The following ARFGEF2 variants were observed in gnomAD, a reference collection of about 807,000 sequenced individuals.
The protein encoded by ARFGEF2 is ARF guanine nucleotide exchange factor 2.
Under a neutral mutation model 219.9 loss-of-function variants are expected in ARFGEF2, and 74 were observed. The observed-to-expected ratio is 0.34, with a 90% confidence interval of 0.28 to 0.41. The LOEUF (loss-of-function observed/expected upper bound fraction) is 0.41. Ranked by LOEUF, ARFGEF2 falls within the 10% of genes least tolerant of loss-of-function variation. ARFGEF2 has a pLI of 1.00. For synonymous variants in ARFGEF2, 733 were observed against 799.2 expected (o/e 0.92, Z 1.40); for missense variants, 1,743 against 2,218.3 (o/e 0.79, Z 4.30).
chr20:48,992,544 G>A (rs2091362915), intron 21 of ARFGEF2, among the ~76,000 whole-genome samples: 2 of 152,282 alleles, frequency 1.3e-5, no homozygotes, highest in East Asian at 1.9e-4. Context: ...GGCACAGGCA[G>A]GTTACTTAGT....
At chr20:49,024,928 G>A (rs920806279) in intron 35 of ARFGEF2, among the ~76,000 whole-genome samples, 4 of 152,144 alleles carry the variant, frequency 2.6e-5, no homozygotes, top group Non-Finnish European at 2.9e-5. Context: ...CCCGGGAGGC[G>A]GAGGTTGCAG....
intron 11 of ARFGEF2, 90 bp from the exon 12 acceptor site, chr20:48,973,054 TG>T: frequency 6.8e-7 from 1 of 1,479,562 alleles, no homozygotes; most frequent in Non-Finnish European, 9.4e-7. Flanking sequence ...TGTAGTTCAC[TG>T]GGGAAATTTG....
chr20:48,973,802 T>C (rs1213680453), intron 12 of ARFGEF2, among the ~76,000 whole-genome samples: 1 of 152,174 alleles, frequency 6.6e-6, no homozygotes, highest in African/African-American at 2.4e-5. Flanking sequence ...TATATGGGCA[T>C]TTTTCCTAAA....
rs189625694 is a variant in ARFGEF2 at position 49,021,067 on chromosome 20, A to T, written c.4625-1984A>T. 4.3e-3 allele frequency among the ~76,000 whole-genome samples: 657 copies of T among 152,104 alleles called. 1 individual carries two copies. Among genetic ancestry groups the T allele is most frequent in the African/African-American group, 0.015 (635 of 41,506 alleles). On this transcript the variant is annotated intron_variant, in intron 34 of 38. Coordinates refer to ENST00000371917, the MANE Select transcript of ARFGEF2 (RefSeq NM_006420.3). The stretch of plus-strand genomic sequence containing the variant: ...GAACTCCACTGTATTAAAAAAAAAA[A>T]TTTAAAACAATCTACATGGAGAATT...
intron 11 of ARFGEF2, 132 bp downstream of exon 11, chr20:48,972,557 C>G (rs754015984): frequency 2.6e-6 from 2 of 757,428 alleles, no homozygotes; most frequent in Non-Finnish European, 4.6e-6. Context: ...CTAACCTAGT[C>G]CTGCCCCACC....
intron 13 of ARFGEF2, 41 bp downstream of exon 13, chr20:48,974,915 AG>A (rs756657805): frequency 1.3e-6 from 2 of 1,514,086 alleles, no homozygotes; most frequent in East Asian, 4.5e-5. Flanking sequence ...CATTCATAAT[AG>A]GCTCCTACGA....
At chr20:49,026,940 T>C (rs1038462770) in intron 36 of ARFGEF2, among the ~76,000 whole-genome samples, 6 of 152,138 alleles carry the variant, frequency 3.9e-5, no homozygotes, top group Non-Finnish European at 7.3e-5. Context: ...AATTAAAGAA[T>C]GTCATTTTTC....
chr20:49,013,462 G>T, intron 28 of ARFGEF2, 102 bp from the exon 29 acceptor site: 1 of 1,471,798 alleles, frequency 6.8e-7, no homozygotes, highest in Non-Finnish European at 9.5e-7. Flanking sequence ...GGAGATTTTT[G>T]GGAGAGAAAA....
At chr20:48,927,059 C>T (rs912943849) in intron 1 of ARFGEF2, among the ~76,000 whole-genome samples, 1 of 152,128 alleles carries the variant, frequency 6.6e-6, no homozygotes, top group Non-Finnish European at 1.5e-5. Context: ...AGATGGTGAG[C>T]ATAGTCAGCT....
intron 8 of ARFGEF2, among the ~76,000 whole-genome samples, chr20:48,968,439 G>A (rs1320866278): frequency 6.9e-6 from 1 of 145,752 alleles, no homozygotes; most frequent in Non-Finnish European, 1.5e-5. Flanking sequence ...TTTTTTTTTG[G>A]TCACCCAGGC....
At chr20:48,938,540 T>A (rs900335424) in intron 1 of ARFGEF2, among the ~76,000 whole-genome samples, 1 of 152,252 alleles carries the variant, frequency 6.6e-6, no homozygotes, top group African/African-American at 2.4e-5. Context: ...TCCATCACTT[T>A]AAATATTTAT....
At chr20:48,985,669 T>G in intron 16 of ARFGEF2, 56 bp downstream of exon 16, 1 of 1,564,068 alleles carries the variant, frequency 6.4e-7, no homozygotes, top group East Asian at 2.3e-5. Context: ...CTCAGAACGC[T>G]AATTCTAATT....
intron 16 of ARFGEF2, 129 bp from the exon 17 acceptor site, chr20:48,988,175 A>G (rs2091337028): frequency 1.1e-5 from 8 of 716,130 alleles, no homozygotes; most frequent in Non-Finnish European, 2.0e-5. Context: ...TGAAAGCGTA[A>G]AAACTCTTGC....
chr20:48,989,566 C>T lies in ARFGEF2; in HGVS notation c.2696C>T (p.Thr899Met), dbSNP rs745621774. 2.5e-6 allele frequency: 4 copies of T among 1,614,214 alleles called. No individual in the cohort carries two copies. Among genetic ancestry groups the T allele is most frequent in the Admixed American group, 1.7e-5 (1 of 60,024 alleles). ...TTCCTTCCATGATAGCTGGTGTGGA[C>T]GCCACTATTGGCAGCCTACAGCATC... ...HVRPMFKLVWTPLLAAYSIGL... is the reference protein window; with the variant it reads ...HVRPMFKLVWMPLLAAYSIGL... The change falls in exon 20 of 39, where the codon ACG becomes ATG. Residue 899 changes from threonine to methionine, a missense_variant. Physicochemically the swap from Thr to Met is moderately conservative, Grantham distance 81. Around this residue, in one of 5 missense-constraint regions of ARFGEF2, gnomAD observed 666 missense variants for 955.4 expected, o/e 0.70. Transcript: ENST00000371917.
chr20:49,018,183 G>C (rs2091542543), intron 33 of ARFGEF2, among the ~76,000 whole-genome samples: 2 of 152,074 alleles, frequency 1.3e-5, no homozygotes, highest in African/African-American at 4.8e-5. Flanking sequence ...ATTTTAAAAA[G>C]CATTTGGGAT....
chr20:49,022,733 C>G (rs1417323285), intron 34 of ARFGEF2, among the ~76,000 whole-genome samples: 1 of 152,132 alleles, frequency 6.6e-6, no homozygotes, highest in Admixed American at 6.5e-5. Context: ...ATATAATATT[C>G]TTAAAATATT....
Position 49,001,897 on chromosome 20 carries a change from AG to A in ARFGEF2, c.3433-3172del, listed in dbSNP as rs1218107969. Among the ~76,000 whole-genome samples, 3 of 152,242 alleles carry A rather than the reference AG, an allele frequency of 2.0e-5. No individual in the cohort carries two copies. In the East Asian group the frequency reaches 5.8e-4, roughly 29 times the overall value. ...TCTTCCACTTAGCAAGGAATCATAA[AG>A]ATTTAACCATGTTAGCATATGTAGA... On this transcript the variant is annotated intron_variant, in intron 25 of 38. Coordinates refer to ENST00000371917, the MANE Select transcript of ARFGEF2 (RefSeq NM_006420.3).
At chr20:49,013,028 C>T (rs2091510016) in intron 28 of ARFGEF2, among the ~76,000 whole-genome samples, 2 of 152,300 alleles carry the variant, frequency 1.3e-5, no homozygotes, top group Admixed American at 6.5e-5. Context: ...TGACCTTGAG[C>T]AGCTTACTGA....
intron 18 of ARFGEF2, 52 bp downstream of exon 18, chr20:48,988,714 A>C: frequency 2.0e-6 from 3 of 1,522,672 alleles, no homozygotes; most frequent in Non-Finnish European, 1.8e-6. Context: ...TTAGTGTATC[A>C]GAATGCATGA....
Sources: gnomAD v4.1 joint callset for allele counts (sites outside exome capture counted in the v4.1 genomes callset) on GRCh38, gnomAD v4.1.1 for gene constraint, gnomAD v4.1.1 regional missense constraint, MANE v1.5 for transcripts, NCBI Gene and HGNC (gene_info 2026-07-23, HGNC 2026-07-21) for gene names.